The following AGAP1 variants were observed in gnomAD, a reference collection of about 807,000 sequenced individuals.
AGAP1 encodes the protein ArfGAP with GTPase domain, ankyrin repeat and PH domain 1.
Under a neutral mutation model 105.3 loss-of-function variants are expected in AGAP1, and 29 were observed. That is an observed-to-expected ratio of 0.28 (90% CI 0.21 to 0.38). The LOEUF (loss-of-function observed/expected upper bound fraction) is 0.38, where lower values mean the gene tolerates loss of function less well. Among genes scored for constraint, AGAP1 ranks in the 10% least tolerant of loss-of-function variants. The probability of loss-of-function intolerance (pLI) is 1.00; values close to 1 mark genes in which losing one functional copy is unlikely to be tolerated. For synonymous variants in AGAP1, 509 were observed against 485.9 expected (o/e 1.05, Z -0.63); for missense variants, 998 against 1,165.1 (o/e 0.86, Z 2.09).
At chr2:235,560,864 T>A (rs1270855506) in intron 1 of AGAP1, among the ~76,000 whole-genome samples, 2 of 152,206 alleles carry the variant, frequency 1.3e-5, no homozygotes, top group Admixed American at 1.3e-4. Flanking sequence ...TCCAACCTTC[T>A]AAACCTCAGG....
intron 13 of AGAP1, among the ~76,000 whole-genome samples, chr2:235,997,954 G>T (rs1225869836): frequency 6.6e-6 from 1 of 152,116 alleles, no homozygotes; most frequent in Non-Finnish European, 1.5e-5. Context: ...CCACAGTTTG[G>T]ATGCAGTTAG....
intron 11 of AGAP1, among the ~76,000 whole-genome samples, chr2:235,917,143 T>A (rs12986802): frequency 0.36 from 55,441 of 152,032 alleles, 10,843 homozygotes; most frequent in South Asian, 0.65. Context: ...GTCAAAGGAA[T>A]CCTTTCCCCT....
chr2:235,590,375 G>C (rs2149210125), intron 1 of AGAP1, among the ~76,000 whole-genome samples: 1 of 152,224 alleles, frequency 6.6e-6, no homozygotes, highest in Admixed American at 6.5e-5. Context: ...GTTGACCAGG[G>C]AGTGTCTGCA....
At position 235,553,161 on chromosome 2, in the gene AGAP1, C is replaced by T. The variant is rs1943867004; in HGVS notation, c.163+58312C>T. Among the ~76,000 whole-genome samples, 1 of 152,092 alleles carries T rather than the reference C, an allele frequency of 6.6e-6. No homozygotes were observed. Among genetic ancestry groups the T allele is most frequent in the Non-Finnish European group, 1.5e-5 (1 of 68,024 alleles). The stretch of plus-strand genomic sequence containing the variant: ...AGACAAGGGTTGGTGGGAGAAACAG[C>T]AGGTATATTTGAAAACCAAGAAGAT... On this transcript the variant is annotated intron_variant, in intron 1 of 17. Coordinates refer to ENST00000304032, the MANE Select transcript of AGAP1 (RefSeq NM_001037131.3). The surrounding 1 kb of genome is among the most constrained non-coding windows in gnomAD (Gnocchi z 4.5).
rs1373323104 is a variant in AGAP1, at chr2:235,692,657, C to T, written c.164-16522C>T. On this transcript the variant is annotated intron_variant, in intron 1 of 17. Coordinates refer to ENST00000304032, the MANE Select transcript of AGAP1 (RefSeq NM_001037131.3). The surrounding 1 kb of genome is among the most constrained non-coding windows in gnomAD (Gnocchi z 5.8). Reference sequence around the variant, plus strand: ...GTTCCCCTCGCTGACCCTCAGCCCTCAGGCCCAGCACCTCAGAGAAGCCGA... The same window carrying T: ...GTTCCCCTCGCTGACCCTCAGCCCTTAGGCCCAGCACCTCAGAGAAGCCGA... 6.6e-6 allele frequency among the ~76,000 whole-genome samples: 1 copy of T among 152,140 alleles called. No homozygotes were observed. The highest frequency in any genetic ancestry group is 1.5e-5 in the Non-Finnish European group (1 of 68,026).
chr2:235,752,991 A>G lies in AGAP1; in HGVS notation c.673+2503A>G, dbSNP rs940845266. On this transcript the variant is annotated intron_variant, in intron 6 of 17. Transcript: ENST00000304032. The surrounding 1 kb of genome is among the most constrained non-coding windows in gnomAD (Gnocchi z 4.3). ...GATATGTGTTTGCATAGTGGAGAAC[A>G]GAGGACACAAGCCCTCGCCAGTCCC... Among the ~76,000 whole-genome samples the G allele has an allele frequency of 2.0e-5, 3 of 152,204 alleles. No homozygotes were observed. Among genetic ancestry groups the G allele is most frequent in the African/African-American group, 7.2e-5 (3 of 41,466 alleles).
chr2:235,664,448 T>A lies in AGAP1; in HGVS notation c.164-44731T>A, dbSNP rs544231040. On this transcript the variant is annotated intron_variant, in intron 1 of 17. Coordinates refer to ENST00000304032, the MANE Select transcript of AGAP1 (RefSeq NM_001037131.3). The surrounding 1 kb of genome is among the most constrained non-coding windows in gnomAD (Gnocchi z 5.7). ...GGCCAGGCTGGTCTCAAACTCCTGA[T>A]CTCAGGTGATCCACCTGCCTTGGCC... Among the ~76,000 whole-genome samples, 3 of 152,090 alleles carry A rather than the reference T, an allele frequency of 2.0e-5. No homozygotes were observed. The highest frequency in any genetic ancestry group is 4.4e-5 in the Non-Finnish European group (3 of 68,020).
At position 235,663,758 on chromosome 2, in the gene AGAP1, T is replaced by A. The variant is rs951585413; in HGVS notation, c.164-45421T>A. 6.6e-6 allele frequency among the ~76,000 whole-genome samples: 1 copy of A among 152,148 alleles called. No individual in the cohort carries two copies. The highest frequency in any genetic ancestry group is 2.4e-5 in the African/African-American group (1 of 41,406). Reference sequence around the variant, plus strand: ...CTACTCCAGGAAGCTCTTAGGAGAATCCAAATCCGACTTCCCTGTGCTTTG... The same window carrying A: ...CTACTCCAGGAAGCTCTTAGGAGAAACCAAATCCGACTTCCCTGTGCTTTG... On this transcript the variant is annotated intron_variant, in intron 1 of 17. Coordinates refer to ENST00000304032, the MANE Select transcript of AGAP1 (RefSeq NM_001037131.3). This position sits in a 1 kb window ranked among gnomAD's most constrained non-coding sequence, Gnocchi z 5.4.
chr2:236,054,211 C>T (rs2057987335), intron 16 of AGAP1, among the ~76,000 whole-genome samples: 1 of 152,156 alleles, frequency 6.6e-6, no homozygotes, highest in East Asian at 1.9e-4. Flanking sequence ...ATCCCTACAG[C>T]TAACTCTGAG....
intron 16 of AGAP1, among the ~76,000 whole-genome samples, chr2:236,112,089 C>G (rs759169903): frequency 6.6e-6 from 1 of 152,162 alleles, no homozygotes; most frequent in Non-Finnish European, 1.5e-5. Flanking sequence ...GATTCGCCCC[C>G]ACCCTGGGTC....
chr2:236,106,981 G>A (rs2059512864), intron 16 of AGAP1, among the ~76,000 whole-genome samples: 1 of 152,190 alleles, frequency 6.6e-6, no homozygotes, highest in African/African-American at 2.4e-5. Context: ...AGGCCATCCT[G>A]TGCGGAGGCT....
intron 9 of AGAP1, among the ~76,000 whole-genome samples, chr2:235,823,778 C>T (rs1187394704): frequency 6.6e-6 from 1 of 152,080 alleles, no homozygotes; most frequent in East Asian, 1.9e-4. Context: ...TTTAAATATG[C>T]AAGGGAATAG....
chr2:235,599,495 A>C lies in AGAP1; in HGVS notation c.163+104646A>C, dbSNP rs11673766. Among the ~76,000 whole-genome samples the C allele has an allele frequency of 2.0e-5, 3 of 152,120 alleles. No homozygotes were observed. The highest frequency in any genetic ancestry group is 1.9e-4 in the East Asian group (1 of 5,152). ...TGATGTGGGAAATGACTGCAAAGCT[A>C]TCTTACTCTTTATTCCATAGCCACA... On this transcript the variant is annotated intron_variant, in intron 1 of 17. Coordinates refer to ENST00000304032, the MANE Select transcript of AGAP1 (RefSeq NM_001037131.3). The surrounding 1 kb of genome is among the most constrained non-coding windows in gnomAD (Gnocchi z 5.3).
rs1325090504 is a variant in AGAP1 at position 236,012,249 on chromosome 2, G to A, written c.1646-24312G>A. 6.6e-6 allele frequency among the ~76,000 whole-genome samples: 1 copy of A among 152,042 alleles called. No homozygotes were observed. Among genetic ancestry groups the A allele is most frequent in the Non-Finnish European group, 1.5e-5 (1 of 68,026 alleles). ...GAAAAATGGAAGGCATAAAGCGGGC[G>A]AGGAAAGAGGCTTTCTGCACTCGGG... On this transcript the variant is annotated intron_variant, in intron 13 of 17. Transcript: ENST00000304032. This position sits in a 1 kb window ranked among gnomAD's most constrained non-coding sequence, Gnocchi z 4.9.
chr2:235,815,870 CA>C (rs1958423305), intron 9 of AGAP1, among the ~76,000 whole-genome samples: 2 of 152,312 alleles, frequency 1.3e-5, no homozygotes, highest in African/African-American at 4.8e-5. Context: ...GTGCGTTTTA[CA>C]GCTGTTGAGG....
intron 1 of AGAP1, among the ~76,000 whole-genome samples, chr2:235,638,886 A>G (rs1259228175): frequency 6.6e-6 from 1 of 152,040 alleles, no homozygotes; most frequent in Non-Finnish European, 1.5e-5. Flanking sequence ...GCATGTCAGG[A>G]TGTTCAGGAG....
chr2:235,589,311 T>C (rs1485739179), intron 1 of AGAP1, among the ~76,000 whole-genome samples: 1 of 146,558 alleles, frequency 6.8e-6, no homozygotes, highest in Non-Finnish European at 1.5e-5. Context: ...GTTCAAGTGA[T>C]TCTCCTGCCT....
At chr2:235,926,824 C>G (rs779323624) in intron 11 of AGAP1, among the ~76,000 whole-genome samples, 1 of 152,130 alleles carries the variant, frequency 6.6e-6, no homozygotes. Flanking sequence ...TGGGCAACCC[C>G]GGAACCCACT....
intron 1 of AGAP1, among the ~76,000 whole-genome samples, chr2:235,650,235 C>T (rs1393332469): frequency 1.3e-5 from 2 of 152,084 alleles, no homozygotes; most frequent in African/African-American, 4.8e-5. Flanking sequence ...GTGGTGCACG[C>T]TTGTAATCCC....
Sources: gnomAD v4.1 joint callset for allele counts (sites outside exome capture counted in the v4.1 genomes callset) on GRCh38, gnomAD v4.1.1 for gene constraint, Gnocchi (gnomAD v3.1) non-coding constraint, MANE v1.5 for transcripts, NCBI Gene and HGNC (gene_info 2026-07-23, HGNC 2026-07-21) for gene names.